Variants in ANXA8 observed in about 807,000 individuals in gnomAD.
ANXA8 encodes VAC-beta.
ANXA8 carries 9 observed loss-of-function variants against 26.8 expected under a neutral mutation model. The observed-to-expected ratio is 0.34, with a 90% confidence interval of 0.20 to 0.59. The LOEUF is 0.59. Among genes scored for constraint, ANXA8 ranks in the 20% least tolerant of loss-of-function variants. The pLI is 0.84. For synonymous variants in ANXA8, 39 were observed against 94.8 expected, an observed-to-expected ratio of 0.41 and a Z score of 3.42; for missense variants, 83 against 238.5, an observed-to-expected ratio of 0.35 and a Z score of 4.29.
At chr10:47,686,153 G>A in the ANXA8 span, among the ~76,000 whole-genome samples, 3 of 151,354 alleles carry the variant, frequency 2.0e-5, no homozygotes, top group African/African-American at 4.9e-5. Flanking sequence ...TTCCACATTG[G>A]TTGAACTGCC....
the ANXA8 span, among the ~76,000 whole-genome samples, chr10:47,945,238 C>T: frequency 6.7e-6 from 1 of 149,958 alleles, no homozygotes; most frequent in South Asian, 2.1e-4. Context: ...TCTGCTTCCT[C>T]AGAACAGGGC....
At chr10:47,652,303 A>T in the ANXA8 span, among the ~76,000 whole-genome samples, 1 of 148,470 alleles carries the variant, frequency 6.7e-6, no homozygotes, top group Non-Finnish European at 1.5e-5. Context: ...TATCTCAATT[A>T]AAAAAAAGTA....
the ANXA8 span, among the ~76,000 whole-genome samples, chr10:47,733,171 T>TTCTTTCTTTCTTTCTTTCTCTCTCTC: frequency 6.0e-5 from 6 of 100,812 alleles, no homozygotes; most frequent in African/African-American, 1.9e-4. Context: ...CTTTCTTTCT[T>TTCTTTCTTTCTTTCTTTCTCTCTCTC]TCTTTCTTTC....
chr10:47,474,992 C>T lies in ANXA8; in HGVS notation c.505G>A (p.Asp169Asn). The change falls in exon 7 of 12, where the codon GAT becomes AAT. Residue 169 changes from aspartate (D) to asparagine (N), a missense_variant. Physicochemically the swap from Asp to Asn is conservative, Grantham distance 23 (BLOSUM62 1). This residue lies in a region of ANXA8 where 24 missense variants were observed against 30.6 expected (regional missense o/e 0.78). Coordinates refer to ENST00000585281, the MANE Select transcript of ANXA8 (RefSeq NM_001040084.3). ...CCTGGGTCCACAAAGCTGCTCACAT[C>T]ATCCCTGCTGCCCTAGGAACAGAGG... ...LVCLLQGSRD[D>N]VSSFVDPGLA... The T allele has an allele frequency of 8.5e-6, 13 of 1,531,514 alleles. 1 individual carries two copies. The South Asian group carries it at 1.4e-4, about 16-fold the overall frequency. 94.9% of individuals were successfully genotyped at this position (1,531,514 alleles called of 1,614,324 possible). A position where few individuals can be genotyped will look rare whatever the true frequency, so the allele number is the denominator to read the frequency against.
chr10:47,898,811 A>ATTTTTTTTTT, the ANXA8 span, among the ~76,000 whole-genome samples: 78 of 56,256 alleles, frequency 1.4e-3, 3 homozygotes, highest in African/African-American at 4.4e-3. Flanking sequence ...AAGAGAATGG[A>ATTTTTTTTTT]TTTTTTTTTT....
the ANXA8 span, among the ~76,000 whole-genome samples, chr10:47,988,864 C>A: frequency 6.6e-6 from 1 of 151,724 alleles, no homozygotes; most frequent in Non-Finnish European, 1.5e-5. Context: ...TTGTTGAAAG[C>A]CTGCTATCTA....
the ANXA8 span, among the ~76,000 whole-genome samples, chr10:47,659,847 C>G: frequency 1.3e-5 from 2 of 151,546 alleles, no homozygotes; most frequent in African/African-American, 4.9e-5. Flanking sequence ...ACCTCCGCCT[C>G]CCAGGCTCAG....
At chr10:47,717,275 G>A in the ANXA8 span, among the ~76,000 whole-genome samples, 1 of 18,494 alleles carries the variant, frequency 5.4e-5, no homozygotes, top group Non-Finnish European at 9.7e-5. Flanking sequence ...GTTCACAGAG[G>A]CCTGTTTAGC....
the ANXA8 span, among the ~76,000 whole-genome samples, chr10:47,554,174 C>T: frequency 5.7e-5 from 4 of 70,682 alleles, no homozygotes; most frequent in Non-Finnish European, 9.3e-5. Context: ...CGTGGCAGGG[C>T]GCCTGTGGTC....
At chr10:47,955,222 G>T in the ANXA8 span, among the ~76,000 whole-genome samples, 282 of 149,818 alleles carry the variant, frequency 1.9e-3, 2 homozygotes, top group Non-Finnish European at 3.2e-3. Flanking sequence ...CTTGCCTCCC[G>T]CCGTGATTGT....
chr10:47,953,625 G>A, the ANXA8 span, among the ~76,000 whole-genome samples: 16 of 150,040 alleles, frequency 1.1e-4, no homozygotes, highest in Non-Finnish European at 4.4e-5. Flanking sequence ...CTACAGAATG[G>A]GAGAAAATAT....
At chr10:47,502,025 T>C in the ANXA8 span, 1 of 1,444,398 alleles carries the variant, frequency 6.9e-7, no homozygotes, top group South Asian at 1.2e-5. Flanking sequence ...ATCCTTATTT[T>C]TCCCATTTTG....
At chr10:47,556,631 T>A in the ANXA8 span, among the ~76,000 whole-genome samples, 2 of 151,872 alleles carry the variant, frequency 1.3e-5, no homozygotes, top group Admixed American at 1.3e-4. Context: ...CATATATAAC[T>A]GCAGGGAATA....
chr10:47,681,523 C>CTTTTTTT, the ANXA8 span, among the ~76,000 whole-genome samples: 3 of 81,282 alleles, frequency 3.7e-5, no homozygotes, highest in Non-Finnish European at 4.8e-5. Flanking sequence ...TTTATTTTTA[C>CTTTTTTT]TTTTTTTTTT....
chr10:47,743,170 CAAAAAA>C, the ANXA8 span, among the ~76,000 whole-genome samples: 1 of 37,020 alleles, frequency 2.7e-5, no homozygotes, highest in African/African-American at 9.6e-5. Flanking sequence ...GACTCTGTCT[CAAAAAA>C]AAAAAAAAAA....
chr10:47,733,167 T>TTCTTTCTTTCTTTCTCTCTCTCTC, the ANXA8 span, among the ~76,000 whole-genome samples: 1 of 99,654 alleles, frequency 1.0e-5, no homozygotes, highest in African/African-American at 3.3e-5. Flanking sequence ...CTTTCTTTCT[T>TTCTTTCTTTCTTTCTCTCTCTCTC]TCTTTCTTTC....
chr10:47,957,234 G>A, the ANXA8 span, among the ~76,000 whole-genome samples: 1 of 150,382 alleles, frequency 6.6e-6, no homozygotes, highest in Non-Finnish European at 1.5e-5. Context: ...TCAGGGCTGT[G>A]AGCCTGAGGA....
the ANXA8 span, among the ~76,000 whole-genome samples, chr10:47,705,936 G>C: frequency 1.9e-4 from 29 of 150,520 alleles, no homozygotes; most frequent in African/African-American, 6.8e-4. Context: ...ATTTCGGGGG[G>C]CGGAGGCGGC....
At chr10:47,767,713 C>G in the ANXA8 span, among the ~76,000 whole-genome samples, 1 of 151,684 alleles carries the variant, frequency 6.6e-6, no homozygotes, top group Non-Finnish European at 1.5e-5. Flanking sequence ...CCACCCCCTG[C>G]CCCCGTGAGA....
Sources: gnomAD v4.1 joint callset for allele counts (sites outside exome capture counted in the v4.1 genomes callset) on GRCh38, gnomAD v4.1.1 for gene constraint, gnomAD v4.1.1 regional missense constraint, MANE v1.5 for transcripts, NCBI Gene and HGNC (gene_info 2026-07-23, HGNC 2026-07-21) for gene names.